The following GXYLT2 variants were observed in gnomAD, a reference collection of about 807,000 sequenced individuals.
GXYLT2 encodes glycosyltransferase 8 domain containing 4.
In GXYLT2, 53 loss-of-function variants were observed where a neutral mutation model predicts 45.8. The observed-to-expected ratio is 1.16, with a 90% CI of 0.93 to 1.46. The LOEUF is 1.46. GXYLT2 is among the 40% of genes most tolerant of loss of function. GXYLT2 has a pLI of 0.00. For synonymous variants in GXYLT2, 219 were observed against 214.2 expected (o/e 1.02, Z -0.19); for missense variants, 551 against 544.4 (o/e 1.01, Z -0.12).
At chr3:72,944,379 C>T (rs377586954) in intron 3 of GXYLT2, among the ~76,000 whole-genome samples, 1 of 151,900 alleles carries the variant, frequency 6.6e-6, no homozygotes, top group South Asian at 2.1e-4. Context: ...CTCAGCCTCC[C>T]GAGTAGCTGG....
At chr3:72,929,116 C>T (rs1168795601) in intron 3 of GXYLT2, 3 of 1,590,572 alleles carry the variant, frequency 1.9e-6, no homozygotes, top group African/African-American at 1.3e-5. Context: ...ACCGCTAGAT[C>T]AACCTGGAGC....
chr3:72,946,456 A>T (rs866222694), intron 3 of GXYLT2, among the ~76,000 whole-genome samples: 1 of 152,136 alleles, frequency 6.6e-6, no homozygotes, highest in Non-Finnish European at 1.5e-5. Context: ...ACCATAAGTT[A>T]GGTAGCTTAT....
At chr3:72,964,892 C>T (rs1316118887) in intron 5 of GXYLT2, among the ~76,000 whole-genome samples, 1 of 152,176 alleles carries the variant, frequency 6.6e-6, no homozygotes, top group African/African-American at 2.4e-5. Flanking sequence ...AGTGATATGA[C>T]CCATTGGGTG....
intron 2 of GXYLT2, among the ~76,000 whole-genome samples, chr3:72,914,357 C>T (rs372165946): frequency 9.9e-5 from 15 of 151,974 alleles, no homozygotes; most frequent in African/African-American, 2.4e-4. Context: ...TAGGCTTTTC[C>T]GGCAGCTTGG....
At chr3:72,899,895 C>CTG (rs1278241437) in intron 1 of GXYLT2, among the ~76,000 whole-genome samples, 1 of 152,176 alleles carries the variant, frequency 6.6e-6, no homozygotes, top group Non-Finnish European at 1.5e-5. Flanking sequence ...CCACATATTT[C>CTG]TGTTTCCTTC....
chr3:72,920,845 C>G (rs1709820257), intron 2 of GXYLT2, among the ~76,000 whole-genome samples: 1 of 147,562 alleles, frequency 6.8e-6, no homozygotes, highest in Admixed American at 6.8e-5. Flanking sequence ...GTCAGAGTCT[C>G]ACTCTGTCCG....
chr3:72,905,614 G>A (rs1045902400), intron 1 of GXYLT2, among the ~76,000 whole-genome samples: 3 of 152,184 alleles, frequency 2.0e-5, no homozygotes, highest in African/African-American at 7.2e-5. Context: ...TTGTGCAAAT[G>A]TGCAAGAGTT....
chr3:72,934,062 G>C (rs1477943675), intron 3 of GXYLT2, among the ~76,000 whole-genome samples: 5 of 148,812 alleles, frequency 3.4e-5, no homozygotes, highest in African/African-American at 7.4e-5. Flanking sequence ...AAAATTGATA[G>C]TTAATTTTAA....
At chr3:72,965,388 C>A (rs779814480) in intron 5 of GXYLT2, among the ~76,000 whole-genome samples, 1 of 152,154 alleles carries the variant, frequency 6.6e-6, no homozygotes, top group Non-Finnish European at 1.5e-5. Flanking sequence ...TGAACAAGCA[C>A]ATCTTGAAGT....
chr3:72,929,358 A>G, intron 3 of GXYLT2: 1 of 1,047,042 alleles, frequency 9.6e-7, no homozygotes, highest in Non-Finnish European at 1.5e-6. Flanking sequence ...TGTGCATTAC[A>G]TTTGGGGAAA....
rs71126809 is a variant in GXYLT2 at position 72,963,507 on chromosome 3, G to GTTT, written c.977-4029_977-4027dup. On this transcript the variant is annotated intron_variant, in intron 5 of 6. Coordinates refer to ENST00000389617, the MANE Select transcript of GXYLT2 (RefSeq NM_001080393.2). ...GATCACCTGAGGTCCGGAGTTTTTT[G>GTTT]TTTTTTTTTTTTTGAGACAGAGTCT... 1.3e-3 allele frequency among the ~76,000 whole-genome samples: 187 copies of GTTT among 143,660 alleles called. 3 individuals carry two copies. Among genetic ancestry groups the GTTT allele is most frequent in the South Asian group, 4.9e-3 (22 of 4,524 alleles). 94.2% of individuals were successfully genotyped at this position (143,660 alleles called of 152,430 possible).
chr3:72,950,590 A>T (rs890417863), intron 3 of GXYLT2, among the ~76,000 whole-genome samples: 1 of 152,022 alleles, frequency 6.6e-6, no homozygotes, highest in African/African-American at 2.4e-5. Context: ...TGATTGCACC[A>T]CTGCACTCCA....
intron 2 of GXYLT2, among the ~76,000 whole-genome samples, chr3:72,920,142 T>A (rs536400293): frequency 2.0e-5 from 3 of 152,212 alleles, no homozygotes; most frequent in African/African-American, 4.8e-5. Context: ...TTATTTATTT[T>A]TTTATTTTTT....
At chr3:72,962,370 C>T (rs567696893) in intron 5 of GXYLT2, among the ~76,000 whole-genome samples, 19 of 152,086 alleles carry the variant, frequency 1.2e-4, no homozygotes, top group Non-Finnish European at 2.5e-4. Context: ...CAGTGCAAGG[C>T]TCAGTGCTTT....
chr3:72,946,306 G>T (rs1224738169), intron 3 of GXYLT2, among the ~76,000 whole-genome samples: 4 of 137,978 alleles, frequency 2.9e-5, no homozygotes, highest in African/African-American at 8.2e-5. Flanking sequence ...AAAAAAAAAG[G>T]ATGTCATTTT....
intron 3 of GXYLT2, among the ~76,000 whole-genome samples, chr3:72,924,233 G>A (rs1403577964): frequency 5.5e-5 from 8 of 145,416 alleles, no homozygotes; most frequent in Non-Finnish European, 8.9e-5. Flanking sequence ...ACTCTCTGTC[G>A]CCCCTGCTGG....
intron 3 of GXYLT2, chr3:72,929,035 C>T (rs937064856): frequency 2.6e-5 from 39 of 1,521,140 alleles, no homozygotes; most frequent in Non-Finnish European, 3.5e-5. Flanking sequence ...TCTCCTTAGC[C>T]GCCGCCGTGA....
At chr3:72,948,317 T>C (rs1710450553) in intron 3 of GXYLT2, among the ~76,000 whole-genome samples, 2 of 152,206 alleles carry the variant, frequency 1.3e-5, no homozygotes, top group South Asian at 4.1e-4. Flanking sequence ...ATAAACTTTT[T>C]TTTATCAAAT....
At chr3:72,939,687 T>TC (rs1174986932) in intron 3 of GXYLT2, among the ~76,000 whole-genome samples, 1 of 150,146 alleles carries the variant, frequency 6.7e-6, no homozygotes, top group African/African-American at 2.4e-5. Flanking sequence ...TTCTTTCCTT[T>TC]TTTTTTTTTT....
Sources: allele counts gnomAD v4.1 joint callset (sites outside exome capture counted in the v4.1 genomes callset), GRCh38; gene constraint gnomAD v4.1.1; transcripts MANE v1.5; gene names NCBI Gene and HGNC (gene_info 2026-07-23, HGNC 2026-07-21).